The following ITGA9 variants were observed in gnomAD, a reference collection of about 807,000 sequenced individuals.
The protein encoded by ITGA9 is integrin subunit alpha 9.
A neutral mutation model predicts 127.8 loss-of-function variants in ITGA9; 56 were observed. That is an observed-to-expected ratio of 0.44 (90% CI 0.35 to 0.55). ITGA9 has a LOEUF of 0.55. ITGA9 is among the 20% of genes least tolerant of loss of function. ITGA9 has a pLI of 0.00. For missense variants in ITGA9, 1,196 were observed against 1,347.1 expected (o/e 0.89, Z 1.76); for synonymous variants, 508 against 514.5 (o/e 0.99, Z 0.17).
chr3:37,643,592 T>A (rs1367481581), intron 16 of ITGA9, among the ~76,000 whole-genome samples: 1 of 152,218 alleles, frequency 6.6e-6, no homozygotes, highest in African/African-American at 2.4e-5. Context: ...TCTTCAAGCT[T>A]ATTGAGTTTT....
chr3:37,510,863 T>G (rs1181116852), intron 8 of ITGA9, among the ~76,000 whole-genome samples: 1 of 152,214 alleles, frequency 6.6e-6, no homozygotes, highest in Admixed American at 6.5e-5. Context: ...TTCCTTCTAC[T>G]AGTGTCTCCA....
rs150985306 is a variant in ITGA9 at position 37,683,080 on chromosome 3, C to T, written c.1917-785C>T. 2.6e-5 allele frequency among the ~76,000 whole-genome samples: 4 copies of T among 152,336 alleles called. No homozygotes were observed. The East Asian group carries it at 7.7e-4, about 29-fold the overall frequency. ...GGTCAAACCAAGGTCCCTGTGCTGGCCCTCAAGGCCCTGTGGGATCTGCTG... is the reference window on the plus strand; with the variant it reads ...GGTCAAACCAAGGTCCCTGTGCTGGTCCTCAAGGCCCTGTGGGATCTGCTG... On this transcript the variant is annotated intron_variant, in intron 17 of 27. Coordinates refer to ENST00000264741, the MANE Select transcript of ITGA9 (RefSeq NM_002207.3).
chr3:37,526,028 G>A lies in ITGA9; in HGVS notation c.1330G>A (p.Val444Ile), dbSNP rs762959085. The change falls in exon 13 of 28, where the codon GTC becomes ATC. Residue 444 changes from valine (V) to isoleucine (I), a missense_variant and splice_region_variant. By Grantham distance (29) the Val-to-Ile change is conservative (BLOSUM62 3). Coordinates refer to ENST00000264741, the MANE Select transcript of ITGA9 (RefSeq NM_002207.3). The part of the protein sequence containing the change: ...IDMDGNGYPD[V>I]TVGAFMSDSV... ...CGCTGTAAACTTCTCATTTTCAGAT[G>A]TCACTGTTGGAGCCTTCATGTCCGA... The A allele has an allele frequency of 1.4e-5, 22 of 1,613,862 alleles. No individual in the cohort carries two copies. Among genetic ancestry groups the A allele is most frequent in the African/African-American group, 5.3e-5 (4 of 74,922 alleles).
At chr3:37,813,373 GTTTATC>G (rs990431441) in intron 27 of ITGA9, among the ~76,000 whole-genome samples, 1 of 152,136 alleles carries the variant, frequency 6.6e-6, no homozygotes, top group Admixed American at 6.5e-5. Flanking sequence ...TTAGTTTAGT[GTTTATC>G]TTTAGTCTTT....
At chr3:37,503,358 C>T (rs748082760) in intron 6 of ITGA9, 51 bp downstream of exon 6, 60 of 1,598,054 alleles carry the variant, frequency 3.8e-5, no homozygotes, top group Non-Finnish European at 4.9e-5. Context: ...GGAGTGATTC[C>T]CACCAGATTC....
chr3:37,506,721 T>C (rs976879813), intron 7 of ITGA9, among the ~76,000 whole-genome samples: 7 of 152,194 alleles, frequency 4.6e-5, no homozygotes, highest in African/African-American at 1.7e-4. Context: ...GTTGGTTCTT[T>C]ATCATGAAGG....
chr3:37,504,421 A>G (rs994002923), intron 6 of ITGA9, among the ~76,000 whole-genome samples: 67 of 151,604 alleles, frequency 4.4e-4, no homozygotes, highest in African/African-American at 1.6e-3. Context: ...TTCTGAGTGC[A>G]GAGTCTAAAT....
At chr3:37,573,828 A>G (rs1043152353) in intron 15 of ITGA9, among the ~76,000 whole-genome samples, 6 of 152,206 alleles carry the variant, frequency 3.9e-5, no homozygotes, top group South Asian at 2.1e-4. Context: ...ACACAGTGGC[A>G]GCAGTGGACA....
chr3:37,733,100 A>G, intron 19 of ITGA9: 2 of 398,032 alleles, frequency 5.0e-6, no homozygotes, highest in South Asian at 4.4e-5. Context: ...CCTTCCTAAA[A>G]TAATTTTTTT....
intron 7 of ITGA9, among the ~76,000 whole-genome samples, chr3:37,507,273 G>A (rs1384245511): frequency 6.6e-6 from 1 of 152,218 alleles, no homozygotes; most frequent in Non-Finnish European, 1.5e-5. Context: ...AGCACTGAGA[G>A]CTGTTCACAT....
intron 17 of ITGA9, among the ~76,000 whole-genome samples, chr3:37,664,239 C>T (rs565961663): frequency 5.3e-4 from 80 of 152,164 alleles, no homozygotes; most frequent in African/African-American, 1.9e-3. Context: ...TTGAAAGCCC[C>T]AATCCAGAGA....
intron 15 of ITGA9, among the ~76,000 whole-genome samples, chr3:37,570,288 A>G (rs920779990): frequency 5.9e-5 from 9 of 152,198 alleles, no homozygotes; most frequent in African/African-American, 2.2e-4. Flanking sequence ...TTAAATATTG[A>G]GTGTCCAAAA....
chr3:37,720,335 A>G (rs1701178382), intron 18 of ITGA9, among the ~76,000 whole-genome samples: 1 of 152,208 alleles, frequency 6.6e-6, no homozygotes, highest in Admixed American at 6.5e-5. Context: ...TCCAAACACC[A>G]TTCATGAGTT....
At chr3:37,509,472 A>C (rs1698879480) in intron 8 of ITGA9, among the ~76,000 whole-genome samples, 1 of 151,956 alleles carries the variant, frequency 6.6e-6, no homozygotes, top group South Asian at 2.1e-4. Context: ...TCTGGGAAGA[A>C]GCATAGGATG....
At chr3:37,585,671 A>T (rs1699751329) in intron 15 of ITGA9, 1 of 513,290 alleles carries the variant, frequency 1.9e-6, no homozygotes, top group Admixed American at 1.9e-5. Context: ...GTCTCAACAC[A>T]AGGAAACTAC....
chr3:37,622,802 G>A (rs535374962), intron 15 of ITGA9, among the ~76,000 whole-genome samples: 17 of 151,852 alleles, frequency 1.1e-4, no homozygotes, highest in South Asian at 1.0e-3. Context: ...CTGAGATTGC[G>A]CCACTGCACT....
Position 37,513,792 on chromosome 3 carries a change from C to G in ITGA9, c.927C>G (p.Cys309Trp). The G allele has an allele frequency of 1.9e-6, 3 of 1,614,056 alleles. No individual in the cohort carries two copies. The highest frequency in any genetic ancestry group is 2.5e-6 in the Non-Finnish European group (3 of 1,180,028). Residue 309 changes from cysteine to tryptophan, a missense_variant, in exon 9 of 28, where the codon TGC (cysteine) becomes TGG (tryptophan). Cys to Trp is a radical substitution (Grantham distance 215). Coordinates refer to ENST00000264741, the MANE Select transcript of ITGA9 (RefSeq NM_002207.3). ...KMGSYFGSSL[C>W]AVDLNGDGLS... ...GCTCTTACTTCGGCTCCTCCTTGTG[C>G]GCAGTTGACCTGAATGGGGACGGCC...
chr3:37,609,211 A>G (rs1699996250), intron 15 of ITGA9, among the ~76,000 whole-genome samples: 1 of 151,718 alleles, frequency 6.6e-6, no homozygotes, highest in African/African-American at 2.4e-5. Flanking sequence ...TGCCCCTCAC[A>G]CCTGCCCTTC....
intron 13 of ITGA9, 119 bp from the exon 14 acceptor site, chr3:37,533,195 C>G (rs1699173794): frequency 2.1e-6 from 2 of 958,084 alleles, no homozygotes. Context: ...TGGGATATTT[C>G]ATGCTTTAAT....
Sources: gnomAD v4.1 joint callset for allele counts (sites outside exome capture counted in the v4.1 genomes callset) on GRCh38, gnomAD v4.1.1 for gene constraint, MANE v1.5 for transcripts, NCBI Gene and HGNC (gene_info 2026-07-23, HGNC 2026-07-21) for gene names.